SUCO: variants seen among roughly 807,000 people sequenced by gnomAD.
SUCO encodes the protein SUN domain containing ossification factor, also known as SUN domain-containing ossification factor.
In SUCO, 57 loss-of-function variants were observed where a neutral mutation model predicts 148.1. That is an observed-to-expected ratio of 0.38 (90% CI 0.31 to 0.48). The LOEUF (loss-of-function observed/expected upper bound fraction) is 0.48. Ranked by LOEUF, SUCO falls within the 20% of genes least tolerant of loss-of-function variation. The probability of loss-of-function intolerance (pLI) is 0.96; values close to 1 mark genes in which losing one functional copy is unlikely to be tolerated. For missense variants in SUCO, 1,331 were observed against 1,468.2 expected (o/e 0.91, Z 1.53); for synonymous variants, 470 against 502.7 (o/e 0.93, Z 0.87).
At chr1:172,573,646 TA>T (rs564230786) in intron 9 of SUCO, among the ~76,000 whole-genome samples, 8 of 151,670 alleles carry the variant, frequency 5.3e-5, no homozygotes, top group African/African-American at 1.2e-4. Flanking sequence ...AAGGAATTTT[TA>T]AAAAAAAATG....
chr1:172,532,492 GC>G (rs757555875), upstream of SUCO: 3 of 1,612,938 alleles, frequency 1.9e-6, no homozygotes, highest in Non-Finnish European at 2.5e-6. Context: ...TTCTTGGCAC[GC>G]CCCTTTCTAT....
chr1:172,552,366 C>T (rs2149228560), intron 2 of SUCO, among the ~76,000 whole-genome samples: 1 of 152,090 alleles, frequency 6.6e-6, no homozygotes, highest in South Asian at 2.1e-4. Flanking sequence ...CCCTTCCCCT[C>T]CAGTGATAGC....
chr1:172,549,857 C>T (rs1322557286), intron 1 of SUCO, among the ~76,000 whole-genome samples: 1 of 146,914 alleles, frequency 6.8e-6, no homozygotes. Flanking sequence ...AAAAACTTGT[C>T]ACCATACATT....
At chr1:172,585,714 G>T in intron 16 of SUCO, 144 bp from the exon 17 acceptor site, 1 of 606,864 alleles carries the variant, frequency 1.6e-6, no homozygotes, top group South Asian at 2.3e-5. Context: ...CTTCCTAAAA[G>T]AACTTTGATT....
chr1:172,575,524 A>G lies in SUCO; in HGVS notation c.1164A>G (p.Pro388=). ...DFLVSISDRY[P]TNKWIKLGTF... ...TATTGCTTATATTTTTTAGATATCC[A>G]ACAAATAAGTGGATTAAGCTGGGTA... Residue 388 remains proline, a synonymous_variant, in exon 11 of 24, where the codon CCA becomes CCG. Transcript: ENST00000263688. 6.2e-7 allele frequency: 1 copy of G among 1,606,836 alleles called. No individual in the cohort carries two copies. Among genetic ancestry groups the G allele is most frequent in the Non-Finnish European group, 8.5e-7 (1 of 1,175,418 alleles).
upstream of SUCO, chr1:172,532,633 C>T (rs1336065173): frequency 6.2e-7 from 1 of 1,614,004 alleles, no homozygotes; most frequent in African/African-American, 1.3e-5. Context: ...GAAAACAGTG[C>T]AACAGTTCCA....
At chr1:172,600,569 G>A (rs569288108) in intron 20 of SUCO, among the ~76,000 whole-genome samples, 3 of 152,188 alleles carry the variant, frequency 2.0e-5, no homozygotes, top group East Asian at 1.9e-4. Context: ...CCTAGGTTGT[G>A]GTATACGGTA....
In SUCO at chr1:172,579,267, A is replaced by G. The variant is rs548117301; in HGVS notation, c.1498A>G (p.Asn500Asp). Reference protein sequence around the residue: ...SSKNLLGSATNAILNMVNIAA... With the variant: ...SSKNLLGSATDAILNMVNIAA... ...AAAAAATCTTCTTGGTTCTGCTACA[A>G]GTGAGTATTTTGAGGATTTTCTATT... Residue 500 changes from asparagine to aspartate, a missense_variant and splice_region_variant, in exon 15 of 24, where the codon AAT (asparagine) becomes GAT (aspartate). Asn to Asp is a conservative substitution (Grantham distance 23). Coordinates refer to ENST00000263688, the MANE Select transcript of SUCO (RefSeq NM_014283.5). The G allele has an allele frequency of 1.3e-6, 2 of 1,579,548 alleles. No individual in the cohort carries two copies. The highest frequency in any genetic ancestry group is 1.7e-6 in the Non-Finnish European group (2 of 1,151,250).
At chr1:172,587,214 G>A (rs945444805) in intron 17 of SUCO, among the ~76,000 whole-genome samples, 11 of 151,862 alleles carry the variant, frequency 7.2e-5, no homozygotes, top group Non-Finnish European at 1.6e-4. Flanking sequence ...TTCTTATTCA[G>A]TATTTCTTCA....
chr1:172,555,910 A>C lies in SUCO; in HGVS notation c.330A>C (p.Thr110=). ...AGTTAAGTCCACCGGTGGTGGAGAC[A>C]CTCCCTACAGTTGATTTGCATGAAG... ...SKKLSPPVVE[T]LPTVDLHEES... The change falls in exon 4 of 24, where the codon ACA becomes ACC. Residue 110 remains threonine, a synonymous_variant. Transcript: ENST00000263688. The C allele has an allele frequency of 6.2e-7, 1 of 1,612,578 alleles. No individual in the cohort carries two copies. Among genetic ancestry groups the C allele is most frequent in the Non-Finnish European group, 8.5e-7 (1 of 1,178,978 alleles).
chr1:172,538,989 A>G (rs1367713020), intron 1 of SUCO, among the ~76,000 whole-genome samples: 1 of 152,234 alleles, frequency 6.6e-6, no homozygotes, highest in East Asian at 1.9e-4. Context: ...TAAACATTTG[A>G]GGATATACTG....
intron 7 of SUCO, chr1:172,569,375 A>G (rs1220038963): frequency 1.0e-6 from 1 of 977,262 alleles, no homozygotes; most frequent in Admixed American, 6.2e-5. Context: ...GTGAGCATAA[A>G]ATAAGGCATA....
Position 172,600,131 on chromosome 1 carries a change from C to T in SUCO, c.2981C>T (p.Ser994Leu). The T allele has an allele frequency of 6.2e-7, 1 of 1,611,276 alleles. No homozygotes were observed. The highest frequency in any genetic ancestry group is 8.5e-7 in the Non-Finnish European group (1 of 1,179,492). ...CTGACCAACATGACACAGCTTGTTT[C>T]AAATTTATCAGCAACAGTAGCAGAA... is the stretch of plus-strand genomic sequence containing the variant. ...AQLTNMTQLV[S>L]NLSATVAELK... The change falls in exon 20 of 24, where the codon TCA becomes TTA. Residue 994 changes from serine to leucine, a missense_variant. Ser to Leu is a moderately radical substitution (Grantham distance 145, BLOSUM62 -2). Transcript: ENST00000263688.
At chr1:172,585,250 T>TTTCACAAG (rs1656157220) in intron 16 of SUCO, 164 bp downstream of exon 16, 1 of 435,088 alleles carries the variant, frequency 2.3e-6, no homozygotes, top group South Asian at 9.8e-5. Context: ...TTTATTTGAA[T>TTTCACAAG]TTCACAAGTT....
At chr1:172,584,245 T>C (rs2149256799) in intron 15 of SUCO, 1 of 208,278 alleles carries the variant, frequency 4.8e-6, no homozygotes, top group South Asian at 1.7e-4. Context: ...CTCTGTTTTG[T>C]TTTTACCTGT....
intron 1 of SUCO, among the ~76,000 whole-genome samples, chr1:172,549,908 GA>G (rs1262202687): frequency 2.1e-5 from 3 of 142,610 alleles, no homozygotes; most frequent in African/African-American, 7.8e-5. Flanking sequence ...AAAAAAAATA[GA>G]AATACAGTTT....
intron 3 of SUCO, chr1:172,555,284 A>T: frequency 2.0e-6 from 1 of 496,102 alleles, no homozygotes; most frequent in Non-Finnish European, 2.6e-6. Context: ...GGGAGTAGTT[A>T]ATTCTGTTTA....
intron 18 of SUCO, chr1:172,590,436 A>G: frequency 2.3e-6 from 2 of 857,978 alleles, no homozygotes; most frequent in Non-Finnish European, 2.8e-6. Context: ...TCTGCTTTTA[A>G]GTGCCAGAGA....
intron 16 of SUCO, 186 bp downstream of exon 16, chr1:172,585,272 AAG>A (rs1433263129): frequency 2.8e-6 from 1 of 361,238 alleles, no homozygotes; most frequent in African/African-American, 2.2e-5. Flanking sequence ...TGTTTTATAA[AAG>A]AATACTGTCT....
Sources: gnomAD v4.1 joint callset for allele counts (sites outside exome capture counted in the v4.1 genomes callset) on GRCh38, gnomAD v4.1.1 for gene constraint, MANE v1.5 for transcripts, NCBI Gene and HGNC (gene_info 2026-07-23, HGNC 2026-07-21) for gene names.